Variants in IRS1 observed in about 807,000 individuals in gnomAD.
IRS1 encodes the protein insulin receptor substrate 1.
Under a neutral mutation model 65.6 loss-of-function variants are expected in IRS1, and 34 were observed. The ratio of observed to expected loss-of-function variants is 0.52; its 90% confidence interval spans 0.39 to 0.69. IRS1 has a LOEUF of 0.69. IRS1 is among the 30% of genes least tolerant of loss of function. The pLI is 0.00. For missense variants in IRS1, 1,641 were observed against 1,720.2 expected, an observed-to-expected ratio of 0.95 and a Z score of 0.81; for synonymous variants, 699 against 683.5, an observed-to-expected ratio of 1.02 and a Z score of -0.35.
intron 1 of IRS1, among the ~76,000 whole-genome samples, chr2:226,736,464 C>A (rs1196586592): frequency 6.6e-6 from 1 of 152,128 alleles, no homozygotes; most frequent in East Asian, 1.9e-4. Context: ...CAAAAGTCAT[C>A]AATGTGGAAT....
chr2:226,799,015 A>G lies in IRS1; in HGVS notation c.-277T>C, dbSNP rs1574668152. On this transcript the variant is annotated 5_prime_UTR_variant, in exon 1 of 2. Coordinates refer to ENST00000305123, the MANE Select transcript of IRS1 (RefSeq NM_005544.3). The surrounding 1 kb of genome is among the most constrained non-coding windows in gnomAD (Gnocchi z 6.1). ...GGGTGAGGGCAGCCCCGATCCTCCG[A>G]GAGCCAAGTCTCCTCTCAGCCGCCG... 7.1e-7 allele frequency: 1 copy of G among 1,411,188 alleles called. No individual in the cohort carries two copies. Among genetic ancestry groups the G allele is most frequent in the Non-Finnish European group, 9.3e-7 (1 of 1,077,674 alleles). 87.4% of individuals were successfully genotyped at this position (1,411,188 alleles called of 1,614,324 possible).
rs1939785175 is a variant in IRS1, at chr2:226,798,071, A to G, written c.668T>C (p.Ile223Thr). 6.2e-7 allele frequency: 1 copy of G among 1,613,890 alleles called. No homozygotes were observed. Among genetic ancestry groups the G allele is most frequent in the Non-Finnish European group, 8.5e-7 (1 of 1,180,026 alleles). Residue 223 changes from isoleucine to threonine, a missense_variant, in exon 1 of 2, where the codon ATC becomes ACC. Transcript: ENST00000305123. The surrounding 1 kb of genome is among the most constrained non-coding windows in gnomAD (Gnocchi z 9.4). The stretch of plus-strand genomic sequence containing the variant: ...CGTCACGGCAGAACGGCCCACCTCG[A>G]TGAAGAAGAAGTTTTCCGAGTGGCC... ...RCGHSENFFF[I>T]EVGRSAVTGP...
rs1938320906 is a variant in IRS1, at chr2:226,736,192, T to C, written c.*80A>G. 6.6e-6 allele frequency: 1 copy of C among 152,496 alleles called. No individual in the cohort carries two copies. The highest frequency in any genetic ancestry group is 1.5e-5 in the Non-Finnish European group (1 of 68,038). 9.4% of individuals were successfully genotyped at this position (152,496 alleles called of 1,614,324 possible). A position where few individuals can be genotyped will look rare whatever the true frequency, so the allele number is the denominator to read the frequency against. Reference sequence around the variant, plus strand: ...TCCTAGTTGTGAATCATGAAATATTTAGAGTCTGGGTACCCATGAGTTAGA... The same window carrying C: ...TCCTAGTTGTGAATCATGAAATATTCAGAGTCTGGGTACCCATGAGTTAGA... On this transcript the variant is annotated 3_prime_UTR_variant, in exon 2 of 2. Coordinates refer to ENST00000305123, the MANE Select transcript of IRS1 (RefSeq NM_005544.3).
chr2:226,739,580 G>A (rs114111826), intron 1 of IRS1, among the ~76,000 whole-genome samples: 1,782 of 152,292 alleles, frequency 0.012, 31 homozygotes, highest in African/African-American at 0.041. Flanking sequence ...TGTTCCCAGC[G>A]AGGTATTATC....
At position 226,733,546 on chromosome 2, in the gene IRS1, A is replaced by T. The variant is rs1938269589; in HGVS notation, c.*2726T>A. On this transcript the variant is annotated 3_prime_UTR_variant, in exon 2 of 2. Transcript: ENST00000305123. ...AAAGAGGATTTTAAAACTCTGCTTA[A>T]GTCTCTAAGGAAAAACGCTGTGAGA... is the stretch of plus-strand genomic sequence containing the variant. The T allele has an allele frequency of 6.6e-6, 1 of 152,244 alleles. No individual in the cohort carries two copies. 9.4% of individuals were successfully genotyped at this position (152,244 alleles called of 1,614,324 possible). A position where few individuals can be genotyped will look rare whatever the true frequency, so the allele number is the denominator to read the frequency against.
At chr2:226,780,540 C>T (rs911681398) in intron 1 of IRS1, among the ~76,000 whole-genome samples, 25 of 152,096 alleles carry the variant, frequency 1.6e-4, no homozygotes, top group African/African-American at 6.0e-4. Context: ...CAGTAAGCTA[C>T]AATTAACATC....
intron 1 of IRS1, among the ~76,000 whole-genome samples, chr2:226,741,854 G>A (rs1938447196): frequency 6.8e-6 from 1 of 147,612 alleles, no homozygotes; most frequent in Non-Finnish European, 1.5e-5. Flanking sequence ...ATTATCATCA[G>A]TCTCAAATAC....
chr2:226,731,948 A>T lies in IRS1; in HGVS notation c.*4324T>A, dbSNP rs1938228580. The T allele has an allele frequency of 6.6e-6, 1 of 152,136 alleles. No homozygotes were observed. The highest frequency in any genetic ancestry group is 1.5e-5 in the Non-Finnish European group (1 of 68,020). The allele number at this position is 152,136 out of a possible 1,614,324, so 9.4% of individuals were successfully genotyped here. ...TCGTTAACAGCATAAGCAAAGAGAG[A>T]TTTAAATGCCAAGTGAATGGCAGAA... On this transcript the variant is annotated 3_prime_UTR_variant, in exon 2 of 2. Coordinates refer to ENST00000305123, the MANE Select transcript of IRS1 (RefSeq NM_005544.3).
In IRS1 at chr2:226,766,120, CTT is replaced by C. The variant is rs1491107408; in HGVS notation, c.*21+28867_*21+28868del. ...AATTTTCCCAAGGCCCTCTCTTAAT[CTT>C]ATATATATATATATATATATATATA... is the stretch of plus-strand genomic sequence containing the variant. On this transcript the variant is annotated intron_variant, in intron 1 of 1. Coordinates refer to ENST00000305123, the MANE Select transcript of IRS1 (RefSeq NM_005544.3). 5.7e-3 allele frequency among the ~76,000 whole-genome samples: 182 copies of C among 31,682 alleles called. 2 individuals carry two copies. The highest frequency in any genetic ancestry group is 0.02 in the African/African-American group (149 of 7,614). 20.8% of individuals were successfully genotyped at this position (31,682 alleles called of 152,430 possible).
intron 1 of IRS1, among the ~76,000 whole-genome samples, chr2:226,781,111 T>C (rs1287579149): frequency 6.6e-6 from 1 of 152,084 alleles, no homozygotes; most frequent in Non-Finnish European, 1.5e-5. Flanking sequence ...CATGAAGGGG[T>C]AAATTTTCTG....
chr2:226,783,480 G>A (rs1200428300), intron 1 of IRS1, among the ~76,000 whole-genome samples: 1 of 151,928 alleles, frequency 6.6e-6, no homozygotes, highest in Non-Finnish European at 1.5e-5. Flanking sequence ...ACAAAGGCAG[G>A]GACACACGTA....
At chr2:226,775,870 G>T (rs988482741) in intron 1 of IRS1, among the ~76,000 whole-genome samples, 1 of 151,998 alleles carries the variant, frequency 6.6e-6, no homozygotes, top group Non-Finnish European at 1.5e-5. Context: ...GTGTTATACC[G>T]TATTGTTTAG....
At position 226,795,105 on chromosome 2, in the gene IRS1, C is replaced by T; in HGVS notation, c.3634G>A (p.Gly1212Ser). ...CGGGTGGAGCTGCTCTCACCGCTGC[C>T]CAGGGGTTGATGAGGGGGTGGGGGT... ...PPPPPPHQPL[G>S]SGESSSTRRS... The change falls in exon 1 of 2, where the codon GGC (glycine) becomes AGC (serine). Residue 1212 changes from glycine to serine, a missense_variant. Physicochemically the swap from Gly to Ser is moderately conservative, Grantham distance 56. Coordinates refer to ENST00000305123, the MANE Select transcript of IRS1 (RefSeq NM_005544.3). The T allele has an allele frequency of 7.5e-7, 1 of 1,340,440 alleles. No homozygotes were observed. The highest frequency in any genetic ancestry group is 1.0e-6 in the Non-Finnish European group (1 of 972,308). 83.0% of individuals were successfully genotyped at this position (1,340,440 alleles called of 1,614,324 possible).
chr2:226,786,860 A>G (rs1468056721), intron 1 of IRS1, among the ~76,000 whole-genome samples: 1 of 151,920 alleles, frequency 6.6e-6, no homozygotes, highest in Non-Finnish European at 1.5e-5. Flanking sequence ...ACGTGACTGC[A>G]TATCATCAAA....
chr2:226,772,079 G>A (rs1298988830), intron 1 of IRS1, among the ~76,000 whole-genome samples: 2 of 152,026 alleles, frequency 1.3e-5, no homozygotes, highest in African/African-American at 4.8e-5. Context: ...ATCTTTTCAG[G>A]CACTCAATCT....
At position 226,795,828 on chromosome 2, in the gene IRS1, C is replaced by T. The variant is rs1801278; in HGVS notation, c.2911G>A (p.Gly971Arg). The T allele has an allele frequency of 0.062, 99,672 of 1,613,026 alleles. 3,374 individuals are homozygous for T. The highest frequency in any genetic ancestry group is 0.067 in the Non-Finnish European group (79,595 of 1,179,772). The change falls in exon 1 of 2, where the codon GGG (glycine) becomes AGG (arginine). Residue 971 changes from glycine (G) to arginine (R), a missense_variant. Gly to Arg is a moderately radical substitution (Grantham distance 125). Around this residue, in one of 3 missense-constraint regions of IRS1, gnomAD observed 1,324 missense variants for 1,361.0 expected, o/e 0.97. Transcript: ENST00000305123. Reference protein sequence around the residue: ...EMGRLGPAPPGAASICRPTRA... With the variant: ...EMGRLGPAPPRAASICRPTRA... ...GTAGGCCTGCAAATGCTAGCAGCCC[C>T]GGGAGGTGCAGGGCCCAGTCTGCCC...
At chr2:226,740,856 C>A (rs1320469701) in intron 1 of IRS1, among the ~76,000 whole-genome samples, 1 of 152,016 alleles carries the variant, frequency 6.6e-6, no homozygotes, top group African/African-American at 2.4e-5. Flanking sequence ...GTAGTGATGA[C>A]CTTTTTTCAA....
chr2:226,780,520 T>C (rs1172157125), intron 1 of IRS1, among the ~76,000 whole-genome samples: 1 of 152,230 alleles, frequency 6.6e-6, no homozygotes, highest in Middle Eastern at 3.2e-3. Flanking sequence ...TGCTATGCTA[T>C]GACCTAGATC....
intron 1 of IRS1, among the ~76,000 whole-genome samples, chr2:226,790,322 G>C (rs1405483408): frequency 6.6e-6 from 1 of 150,802 alleles, no homozygotes; most frequent in African/African-American, 2.4e-5. Context: ...TATTTTCCTG[G>C]AATTGTGATT....
Sources: allele counts gnomAD v4.1 joint callset (sites outside exome capture counted in the v4.1 genomes callset), GRCh38; gene constraint gnomAD v4.1.1; regional missense constraint gnomAD v4.1.1; non-coding constraint Gnocchi (gnomAD v3.1); transcripts MANE v1.5; gene names NCBI Gene and HGNC (gene_info 2026-07-23, HGNC 2026-07-21).